Variants in DACH1 observed in about 807,000 individuals in gnomAD.
DACH1 encodes the protein dachshund homolog 1.
In DACH1, 12 loss-of-function variants were observed where a neutral mutation model predicts 54.2. The ratio of observed to expected loss-of-function variants is 0.22; its 90% CI spans 0.14 to 0.36. The LOEUF is 0.36. DACH1 is among the 10% of genes least tolerant of loss of function. DACH1 has a pLI of 1.00. For synonymous variants in DACH1, 386 were observed against 366.2 expected, an observed-to-expected ratio of 1.05 and a Z score of -0.62; for missense variants, 805 against 929.8, an observed-to-expected ratio of 0.87 and a Z score of 1.75.
chr13:71,454,410 T>C (rs1441292553), intron 10 of DACH1, among the ~76,000 whole-genome samples: 3 of 152,114 alleles, frequency 2.0e-5, no homozygotes, highest in Admixed American at 2.0e-4. Context: ...TCTCCTTAAG[T>C]GTGGGTTGTA....
chr13:71,706,272 T>C (rs1420898459), intron 1 of DACH1, among the ~76,000 whole-genome samples: 1 of 151,508 alleles, frequency 6.6e-6, no homozygotes, highest in Non-Finnish European at 1.5e-5. Flanking sequence ...TTAATCTTTA[T>C]ATTAATTAAA....
intron 1 of DACH1, among the ~76,000 whole-genome samples, chr13:71,743,287 G>A (rs551901863): frequency 6.6e-6 from 1 of 152,194 alleles, no homozygotes; most frequent in East Asian, 1.9e-4. Flanking sequence ...GGAACAGAGT[G>A]GGGGGAAAAG....
chr13:71,825,982 G>T (rs1476825957), intron 1 of DACH1, among the ~76,000 whole-genome samples: 2 of 152,044 alleles, frequency 1.3e-5, no homozygotes, highest in Admixed American at 1.3e-4. Context: ...CCATGCACAT[G>T]TAAAGCTAAA....
In DACH1 at chr13:71,615,022, A is replaced by C. The variant is rs1246277116; in HGVS notation, c.1126+15534T>G. Among the ~76,000 whole-genome samples, 4 of 152,190 alleles carry C rather than the reference A, an allele frequency of 2.6e-5. 1 individual carries two copies. In the East Asian group the frequency reaches 5.8e-4, roughly 22 times the overall value. On this transcript the variant is annotated intron_variant, in intron 3 of 10. Transcript: ENST00000613252. ...TAAAATCATGTAACATAAATCATAA[A>C]AGTAAATGTAAAAATTTCCATATTT...
intron 1 of DACH1, among the ~76,000 whole-genome samples, chr13:71,701,113 G>C (rs967041740): frequency 6.6e-6 from 1 of 152,028 alleles, no homozygotes; most frequent in Non-Finnish European, 1.5e-5. Flanking sequence ...TCAGAAATAA[G>C]GCAGATGCAA....
At chr13:71,748,844 CTCTT>C (rs201889116) in intron 1 of DACH1, among the ~76,000 whole-genome samples, 1,934 of 131,142 alleles carry the variant, frequency 0.015, 66 homozygotes, top group East Asian at 0.074. Context: ...AATATTTTTT[CTCTT>C]TCTTTCTTTC....
In DACH1 at chr13:71,866,406, T is replaced by TGCCGCC. The variant is rs530672616; in HGVS notation, c.358_363dup (p.Gly120_Gly121dup). 85,271 of 1,420,442 alleles carry TGCCGCC rather than the reference T, an allele frequency of 0.06. 2,955 individuals carry two copies. The highest frequency in any genetic ancestry group is 0.066 in the Non-Finnish European group (70,992 of 1,073,796). 88.0% of individuals were successfully genotyped at this position (1,420,442 alleles called of 1,614,324 possible). ...GAAGCGACGCCGCCGCCAGCGCTGA[T>TGCCGCC]GCCGCCGCCGCCGCCGCCGCTGCCG... is the stretch of plus-strand genomic sequence containing the variant. On this transcript the variant is annotated inframe_insertion, in exon 1 of 11. Transcript: ENST00000613252.
rs573732584 is a variant in DACH1, at chr13:71,828,328, T to G, written c.848+37594A>C. ...AACGGAAAGGCTCGGGACAGAGTGA[T>G]AAGATCTGTGTCTGCTTCTCTCTCC... On this transcript the variant is annotated intron_variant, in intron 1 of 10. Coordinates refer to ENST00000613252, the MANE Select transcript of DACH1 (RefSeq NM_080759.6). 4.6e-5 allele frequency among the ~76,000 whole-genome samples: 7 copies of G among 152,102 alleles called. No homozygotes were observed. In the South Asian group the frequency reaches 1.5e-3, roughly 32 times the overall value.
chr13:71,839,489 C>T (rs574417185), intron 1 of DACH1, among the ~76,000 whole-genome samples: 2 of 152,114 alleles, frequency 1.3e-5, no homozygotes, highest in South Asian at 2.1e-4. Flanking sequence ...CGCCTGTAGT[C>T]CCAGCTACTC....
chr13:71,463,542 G>A (rs1202862153), intron 10 of DACH1, among the ~76,000 whole-genome samples: 3 of 151,890 alleles, frequency 2.0e-5, no homozygotes, highest in Non-Finnish European at 4.4e-5. Context: ...TTGCTGTCAC[G>A]TAGGAAGCAA....
intron 1 of DACH1, among the ~76,000 whole-genome samples, chr13:71,748,942 TTCTTTCTTTCTCTCTTTCTTTC>T (rs770059687): frequency 0.058 from 2,852 of 49,438 alleles, 149 homozygotes; most frequent in Non-Finnish European, 0.13. Context: ...CTTTCTTTCT[TTCTTTCTTTCTCTCTTTCTTTC>T]TCTCTCTCTC....
intron 1 of DACH1, among the ~76,000 whole-genome samples, chr13:71,772,692 A>G (rs1050468869): frequency 6.6e-6 from 1 of 151,716 alleles, no homozygotes; most frequent in African/African-American, 2.4e-5. Flanking sequence ...TCTCTTAAAC[A>G]CACCTTCATC....
At chr13:71,508,725 C>T (rs1355698741) in intron 6 of DACH1, among the ~76,000 whole-genome samples, 1 of 152,068 alleles carries the variant, frequency 6.6e-6, no homozygotes, top group African/African-American at 2.4e-5. Context: ...CCTCAGCCTC[C>T]CAATAGTGTT....
chr13:71,750,939 C>A (rs1236013923), intron 1 of DACH1, among the ~76,000 whole-genome samples: 2 of 152,056 alleles, frequency 1.3e-5, no homozygotes, highest in African/African-American at 4.8e-5. Context: ...AAAAATAAAT[C>A]CTATGTGAAA....
chr13:71,666,351 T>G (rs1879833227), intron 2 of DACH1, among the ~76,000 whole-genome samples: 2 of 152,128 alleles, frequency 1.3e-5, no homozygotes, highest in Admixed American at 6.5e-5. Context: ...TGGAAGCAAA[T>G]TTCAAATATT....
intron 3 of DACH1, among the ~76,000 whole-genome samples, chr13:71,621,177 T>C (rs918153322): frequency 1.3e-5 from 2 of 151,912 alleles, no homozygotes; most frequent in Non-Finnish European, 1.5e-5. Flanking sequence ...AGCCTACAAA[T>C]GACCCCAAGG....
intron 6 of DACH1, among the ~76,000 whole-genome samples, chr13:71,521,203 T>A (rs1881573637): frequency 6.6e-6 from 1 of 152,024 alleles, no homozygotes; most frequent in Non-Finnish European, 1.5e-5. Context: ...AGGACTAAGT[T>A]ATTACACTTC....
chr13:71,479,068 A>C (rs1877813279), intron 8 of DACH1, 101 bp downstream of exon 8: 1 of 1,171,550 alleles, frequency 8.5e-7, no homozygotes, highest in African/African-American at 1.6e-5. Flanking sequence ...CTACCGTTAA[A>C]TTAACAAAAA....
chr13:71,812,077 T>A (rs1488239722), intron 1 of DACH1, among the ~76,000 whole-genome samples: 1 of 152,210 alleles, frequency 6.6e-6, no homozygotes, highest in Non-Finnish European at 1.5e-5. Context: ...AGGATCACAG[T>A]TTATTTCCAC....
Sources: gnomAD v4.1 joint callset for allele counts (sites outside exome capture counted in the v4.1 genomes callset) on GRCh38, gnomAD v4.1.1 for gene constraint, MANE v1.5 for transcripts, NCBI Gene and HGNC (gene_info 2026-07-23, HGNC 2026-07-21) for gene names.